The following ZC3H14 variants were observed in gnomAD, a reference collection of about 807,000 sequenced individuals.
The protein encoded by ZC3H14 is zinc finger CCCH domain-containing protein 14.
Under a neutral mutation model 92.4 loss-of-function variants are expected in ZC3H14, and 31 were observed. The ratio of observed to expected loss-of-function variants is 0.34; its 90% CI spans 0.25 to 0.45. ZC3H14 has a LOEUF of 0.45. Ranked by LOEUF, ZC3H14 falls within the 20% of genes least tolerant of loss-of-function variation. ZC3H14 has a pLI of 1.00. For synonymous variants in ZC3H14, 321 were observed against 300.9 expected, an observed-to-expected ratio of 1.07 and a Z score of -0.69; for missense variants, 781 against 897.3, an observed-to-expected ratio of 0.87 and a Z score of 1.66.
chr14:88,596,802 A>T lies in ZC3H14; in HGVS notation c.1348A>T (p.Ser450Cys). 6.2e-7 allele frequency: 1 copy of T among 1,613,974 alleles called. No individual in the cohort carries two copies. The highest frequency in any genetic ancestry group is 8.5e-7 in the Non-Finnish European group (1 of 1,179,892). Residue 450 changes from serine (S) to cysteine (C), a missense_variant, in exon 10 of 17, where the codon AGT (serine) becomes TGT (cysteine). Ser to Cys is a moderately radical substitution (Grantham distance 112). Transcript: ENST00000251038. ...DPVMAETLQM[S>C]QDYYDMESMV... ...AGTAATGGCAGAAACTCTGCAGATG[A>T]GTCAAGGTTGGTAATGTTTCAAGTT...
At chr14:88,586,292 T>C (rs2082469908) in intron 9 of ZC3H14, among the ~76,000 whole-genome samples, 1 of 152,270 alleles carries the variant, frequency 6.6e-6, no homozygotes, top group South Asian at 2.1e-4. Context: ...CTGAGTGTTA[T>C]TTGGGGATCA....
At chr14:88,581,464 G>A (rs1474793653) in intron 9 of ZC3H14, among the ~76,000 whole-genome samples, 1 of 152,188 alleles carries the variant, frequency 6.6e-6, no homozygotes, top group East Asian at 1.9e-4. Context: ...GGGAGGCTGA[G>A]CCAGGAGAAT....
rs2089929174 is a variant in ZC3H14 at position 88,626,284 on chromosome 14, A to C, written c.*14533A>C. On this transcript the variant is annotated 3_prime_UTR_variant, in exon 17 of 17. Coordinates refer to ENST00000251038, the MANE Select transcript of ZC3H14 (RefSeq NM_024824.5). ...GGATATTTAGGGTGACAATTAGAAG[A>C]TTAAGGAAGGCTTTTGAGTATAACA... 1 of 152,470 alleles carries C rather than the reference A, an allele frequency of 6.6e-6. No individual in the cohort carries two copies. The highest frequency in any genetic ancestry group is 6.5e-5 in the Admixed American group (1 of 15,322). The allele number at this position is 152,470 out of a possible 1,614,324, so 9.4% of individuals were successfully genotyped here. A position where few individuals can be genotyped will look rare whatever the true frequency, so the allele number is the denominator to read the frequency against.
rs1393910744 is a variant in ZC3H14 at position 88,622,557 on chromosome 14, C to T, written c.*10806C>T. Reference sequence around the variant, plus strand: ...AGGGTGAGGGAATCACAGTAATAACCACTTTCTGTTTTCTGCTGCACTGTA... The same window carrying T: ...AGGGTGAGGGAATCACAGTAATAACTACTTTCTGTTTTCTGCTGCACTGTA... On this transcript the variant is annotated 3_prime_UTR_variant, in exon 17 of 17. Coordinates refer to ENST00000251038, the MANE Select transcript of ZC3H14 (RefSeq NM_024824.5). The T allele has an allele frequency of 6.4e-6, 9 of 1,416,450 alleles. No homozygotes were observed. Among genetic ancestry groups the T allele is most frequent in the Non-Finnish European group, 8.6e-6 (9 of 1,049,306 alleles). The allele number at this position is 1,416,450 out of a possible 1,614,324, so 87.7% of individuals were successfully genotyped here. A position where few individuals can be genotyped will look rare whatever the true frequency, so the allele number is the denominator to read the frequency against.
chr14:88,578,760 C>T (rs376297447), intron 9 of ZC3H14, among the ~76,000 whole-genome samples: 1 of 138,402 alleles, frequency 7.2e-6, no homozygotes, highest in East Asian at 2.3e-4. Flanking sequence ...TCGTGCCTAA[C>T]ATACTTCAGT....
In ZC3H14 at chr14:88,563,106, G is replaced by T; in HGVS notation, c.-28G>T. ...CTCCGGGTAAGCCAAGCGCCGCGCA[G>T]TGCTGAGTTCCCGCACGCCGCAGAG... On this transcript the variant is annotated 5_prime_UTR_variant, in exon 1 of 17. Transcript: ENST00000251038. 6.3e-7 allele frequency: 1 copy of T among 1,578,572 alleles called. No homozygotes were observed. The highest frequency in any genetic ancestry group is 1.2e-5 in the South Asian group (1 of 86,954).
chr14:88,610,875 A>G lies in ZC3H14; in HGVS notation c.2139A>G (p.Thr713=), dbSNP rs1171264637. Reference sequence around the variant, plus strand: ...CTCAATGTACAAGACCGGACTGCACATTCTACCATCCCACCATTAATGTCC... The same window carrying G: ...CTCAATGTACAAGACCGGACTGCACGTTCTACCATCCCACCATTAATGTCC... The part of the protein sequence containing the change: ...FNTQCTRPDC[T]FYHPTINVPP... Residue 713 remains threonine, a synonymous_variant, in exon 16 of 17, where the codon ACA becomes ACG. Transcript: ENST00000251038. 1.2e-6 allele frequency: 2 copies of G among 1,614,062 alleles called. No individual in the cohort carries two copies. The highest frequency in any genetic ancestry group is 1.7e-6 in the Non-Finnish European group (2 of 1,180,024).
At position 88,596,825 on chromosome 14, in the gene ZC3H14, G is replaced by A; in HGVS notation, c.1354+17G>A. On this transcript the variant is annotated intron_variant, in intron 10 of 16. Coordinates refer to ENST00000251038, the MANE Select transcript of ZC3H14 (RefSeq NM_024824.5). The stretch of plus-strand genomic sequence containing the variant: ...TGAGTCAAGGTTGGTAATGTTTCAA[G>A]TTGTACTGTAATCCAGCCATTTCAG... 6.2e-7 allele frequency: 1 copy of A among 1,608,156 alleles called. No homozygotes were observed. The highest frequency in any genetic ancestry group is 1.1e-5 in the South Asian group (1 of 90,970).
In ZC3H14 at chr14:88,619,199, CT is replaced by C. The variant is rs2088365572; in HGVS notation, c.*7449del. The C allele has an allele frequency of 6.4e-6, 1 of 155,774 alleles. No homozygotes were observed. The allele number at this position is 155,774 out of a possible 1,614,324, so 9.6% of individuals were successfully genotyped here. ...TGACCAACATAGAGAAACCCTGTCTCTACTAAAAATACAAAATTAGCCAGGC... is the reference window on the plus strand; with the variant it reads ...TGACCAACATAGAGAAACCCTGTCTCACTAAAAATACAAAATTAGCCAGGC... On this transcript the variant is annotated 3_prime_UTR_variant, in exon 17 of 17. Transcript: ENST00000251038.
At chr14:88,582,222 T>G (rs1372898835) in intron 9 of ZC3H14, among the ~76,000 whole-genome samples, 1 of 152,230 alleles carries the variant, frequency 6.6e-6, no homozygotes, top group Non-Finnish European at 1.5e-5. Context: ...GAAAACCAGT[T>G]GTTTTGTGCC....
At position 88,616,548 on chromosome 14, in the gene ZC3H14, T is replaced by C; in HGVS notation, c.*4797T>C. On this transcript the variant is annotated 3_prime_UTR_variant, in exon 17 of 17. Transcript: ENST00000251038. ...TGTAGGATGGTTCCAAAGATGGTAT[T>C]ACTCGAGGGAGAGGATTTGTTTCTA... The C allele has an allele frequency of 1.6e-6, 1 of 642,370 alleles. No individual in the cohort carries two copies. The highest frequency in any genetic ancestry group is 2.6e-6 in the Non-Finnish European group (1 of 382,206). 39.8% of individuals were successfully genotyped at this position (642,370 alleles called of 1,614,324 possible).
intron 10 of ZC3H14, among the ~76,000 whole-genome samples, chr14:88,599,692 C>T (rs1372641943): frequency 2.0e-5 from 3 of 152,188 alleles, no homozygotes; most frequent in Non-Finnish European, 2.9e-5. Context: ...TCCTCCATTC[C>T]TCCTCAAAAG....
chr14:88,583,726 T>C (rs2082174270), intron 9 of ZC3H14, among the ~76,000 whole-genome samples: 2 of 152,192 alleles, frequency 1.3e-5, no homozygotes, highest in Non-Finnish European at 2.9e-5. Flanking sequence ...TAACACTTGC[T>C]TAGTGCATAA....
chr14:88,606,572 C>T (rs1161573843), intron 12 of ZC3H14, among the ~76,000 whole-genome samples: 1 of 151,896 alleles, frequency 6.6e-6, no homozygotes, highest in Non-Finnish European at 1.5e-5. Context: ...GAGTTCAAGA[C>T]CAGCCTGGGC....
chr14:88,616,918 T>A lies in ZC3H14; in HGVS notation c.*5167T>A, dbSNP rs760967063. 1 of 1,598,556 alleles carries A rather than the reference T, an allele frequency of 6.3e-7. No individual in the cohort carries two copies. Among genetic ancestry groups the A allele is most frequent in the African/African-American group, 1.3e-5 (1 of 74,556 alleles). On this transcript the variant is annotated 3_prime_UTR_variant, in exon 17 of 17. Transcript: ENST00000251038. ...ACAAAAGAAAACTCATCATGGCAAG[T>A]GCGGGCAGGTTGACTATATTCAAAA...
At position 88,616,904 on chromosome 14, in the gene ZC3H14, C is replaced by T. The variant is rs773975809; in HGVS notation, c.*5153C>T. 6 of 1,609,380 alleles carry T rather than the reference C, an allele frequency of 3.7e-6. No individual in the cohort carries two copies. Among genetic ancestry groups the T allele is most frequent in the Non-Finnish European group, 4.2e-6 (5 of 1,177,546 alleles). On this transcript the variant is annotated 3_prime_UTR_variant, in exon 17 of 17. Transcript: ENST00000251038. ...ACTAGAGGGAAGGAACAAAAGAAAACTCATCATGGCAAGTGCGGGCAGGTT... is the reference window on the plus strand; with the variant it reads ...ACTAGAGGGAAGGAACAAAAGAAAATTCATCATGGCAAGTGCGGGCAGGTT...
intron 12 of ZC3H14, among the ~76,000 whole-genome samples, chr14:88,604,316 A>G (rs1010704016): frequency 6.6e-6 from 1 of 151,986 alleles, no homozygotes; most frequent in African/African-American, 2.4e-5. Context: ...CTCCTTTCCC[A>G]TTGCTTTGAC....
chr14:88,566,957 T>C (rs926737012), intron 2 of ZC3H14, among the ~76,000 whole-genome samples: 2 of 151,632 alleles, frequency 1.3e-5, no homozygotes, highest in Non-Finnish European at 2.9e-5. Flanking sequence ...GAATGGAGTT[T>C]TGAGGGTCAG....
chr14:88,591,731 A>T (rs1595696862), intron 9 of ZC3H14: 2 of 152,296 alleles, frequency 1.3e-5, no homozygotes, highest in East Asian at 3.9e-4. Context: ...GAACATGTGC[A>T]CCCTTTGTAT....
Sources: allele counts gnomAD v4.1 joint callset (sites outside exome capture counted in the v4.1 genomes callset), GRCh38; gene constraint gnomAD v4.1.1; transcripts MANE v1.5; gene names NCBI Gene and HGNC (gene_info 2026-07-23, HGNC 2026-07-21).